CSMD1: variants seen among roughly 807,000 people sequenced by gnomAD.
CSMD1 encodes CUB and Sushi multiple domains 1, also known as CUB and sushi domain-containing protein 1.
CSMD1 carries 213 observed loss-of-function variants against 417.5 expected under a neutral mutation model. The ratio of observed to expected loss-of-function variants is 0.51; its 90% CI spans 0.46 to 0.57. The LOEUF (loss-of-function observed/expected upper bound fraction) is 0.57, where lower values mean the gene tolerates loss of function less well. Ranked by LOEUF, CSMD1 falls within the 20% of genes least tolerant of loss-of-function variation. The pLI is 0.00. For synonymous variants in CSMD1, 2,862 were observed against 1,736.8 expected, an observed-to-expected ratio of 1.65 and a Z score of -16.11; for missense variants, 6,923 against 4,529.7, an observed-to-expected ratio of 1.53 and a Z score of -15.17.
intron 5 of CSMD1, among the ~76,000 whole-genome samples, chr8:3,847,966 TATTA>T (rs1316597993): frequency 3.9e-5 from 6 of 152,298 alleles, no homozygotes; most frequent in African/African-American, 1.4e-4. Flanking sequence ...GATTTTTATT[TATTA>T]TTTATTTATT....
rs146249988 is a variant in CSMD1, at chr8:4,150,953, T to G, written c.416-118854A>C. The stretch of plus-strand genomic sequence containing the variant: ...AATTACAGTCTGCAACGTCCAAACT[T>G]TCAGTAAAAGTCTTCCAGATACAGG... On this transcript the variant is annotated intron_variant, in intron 3 of 69. Transcript: ENST00000635120. Among the ~76,000 whole-genome samples, 425 of 152,244 alleles carry G rather than the reference T, an allele frequency of 2.8e-3. 4 individuals carry two copies. Among genetic ancestry groups the G allele is most frequent in the East Asian group, 0.023 (121 of 5,182 alleles).
At chr8:3,909,708 G>A (rs1012917615) in intron 5 of CSMD1, among the ~76,000 whole-genome samples, 9 of 152,060 alleles carry the variant, frequency 5.9e-5, no homozygotes, top group African/African-American at 1.2e-4. Context: ...AAATTCTTGC[G>A]GCTTGTGTAG....
chr8:3,903,320 C>G (rs1327428155), intron 5 of CSMD1, among the ~76,000 whole-genome samples: 1 of 55,266 alleles, frequency 1.8e-5, no homozygotes, highest in Non-Finnish European at 3.3e-5. Flanking sequence ...ATGAATTAAT[C>G]TGTCCAGCTA....
At chr8:3,463,476 C>T (rs935316098) in intron 12 of CSMD1, among the ~76,000 whole-genome samples, 9 of 152,198 alleles carry the variant, frequency 5.9e-5, no homozygotes, top group Admixed American at 5.9e-4. Flanking sequence ...TTTGAAGCCA[C>T]GTCCTGCAGC....
chr8:4,439,271 A>G (rs1376855570), intron 2 of CSMD1, among the ~76,000 whole-genome samples: 2 of 152,170 alleles, frequency 1.3e-5, no homozygotes, highest in Non-Finnish European at 2.9e-5. Flanking sequence ...AACAACTACT[A>G]AATTGAAAAT....
At chr8:4,066,628 A>C (rs897736383) in intron 3 of CSMD1, among the ~76,000 whole-genome samples, 1 of 152,236 alleles carries the variant, frequency 6.6e-6, no homozygotes, top group Non-Finnish European at 1.5e-5. Context: ...ATTACTAACC[A>C]CTAACAGCTC....
At chr8:3,845,650 A>G (rs1803456352) in intron 5 of CSMD1, among the ~76,000 whole-genome samples, 1 of 151,980 alleles carries the variant, frequency 6.6e-6, no homozygotes, top group Admixed American at 6.6e-5. Context: ...TCATTTAAAC[A>G]TTTTTTTGTC....
intron 49 of CSMD1, among the ~76,000 whole-genome samples, chr8:3,071,032 T>C (rs1813290513): frequency 6.6e-6 from 1 of 152,172 alleles, no homozygotes. Flanking sequence ...GGAATAACCA[T>C]GTCACACTGT....
Position 3,369,358 on chromosome 8 carries a change from C to T in CSMD1, c.2795G>A (p.Gly932Asp). The change falls in exon 19 of 70, where the codon GGC (glycine) becomes GAC (aspartate). Residue 932 changes from glycine (G) to aspartate (D), a missense_variant. Gly to Asp is a moderately conservative substitution (Grantham distance 94, BLOSUM62 -1). Transcript: ENST00000635120. ...TGTTCCACTCTTCCCTTGGATGTAG[C>T]CTCCACATAGAGCTTAAAATAATAA... ...ALPSCDALCG[G>D]YIQGKSGTVL... is the part of the protein sequence containing the mutation. 6.4e-7 allele frequency: 1 copy of T among 1,552,538 alleles called. No individual in the cohort carries two copies. Among genetic ancestry groups the T allele is most frequent in the South Asian group, 1.1e-5 (1 of 89,060 alleles).
chr8:3,851,849 G>A (rs1374764131), intron 5 of CSMD1, among the ~76,000 whole-genome samples: 1 of 152,124 alleles, frequency 6.6e-6, no homozygotes, highest in African/African-American at 2.4e-5. Flanking sequence ...GGGTCGGGTG[G>A]GAGCAGACAT....
chr8:4,455,068 C>T (rs1484916281), intron 2 of CSMD1, among the ~76,000 whole-genome samples: 1 of 152,090 alleles, frequency 6.6e-6, no homozygotes, highest in East Asian at 1.9e-4. Context: ...GGCTGGGAAA[C>T]TTCGTGCTAT....
intron 3 of CSMD1, among the ~76,000 whole-genome samples, chr8:4,199,739 C>G (rs992811408): frequency 3.9e-5 from 6 of 152,180 alleles, no homozygotes; most frequent in African/African-American, 7.2e-5. Flanking sequence ...TGCTTTGATC[C>G]TCTTAAAATA....
chr8:3,218,943 G>C (rs961352092), intron 29 of CSMD1, among the ~76,000 whole-genome samples: 9 of 151,970 alleles, frequency 5.9e-5, no homozygotes, highest in African/African-American at 1.9e-4. Context: ...AAATTATAAG[G>C]TGTTAAAACC....
chr8:4,458,300 T>C (rs1476186765), intron 2 of CSMD1, among the ~76,000 whole-genome samples: 3 of 148,314 alleles, frequency 2.0e-5, no homozygotes, highest in African/African-American at 7.8e-5. Context: ...TTTCTCCCTC[T>C]TTTTTTTTGT....
intron 1 of CSMD1, among the ~76,000 whole-genome samples, chr8:4,817,776 T>G (rs1223977219): frequency 6.6e-6 from 1 of 152,206 alleles, no homozygotes; most frequent in African/African-American, 2.4e-5. Context: ...ACTCTCAATG[T>G]GATTAGAAAT....
intron 1 of CSMD1, among the ~76,000 whole-genome samples, chr8:4,936,013 C>G (rs1807596705): frequency 6.6e-6 from 1 of 152,146 alleles, no homozygotes; most frequent in Non-Finnish European, 1.5e-5. Flanking sequence ...ATAATAGGAA[C>G]CCAAAGTGCA....
chr8:3,330,213 A>G lies in CSMD1; in HGVS notation c.3631+13081T>C, dbSNP rs534855304. The stretch of plus-strand genomic sequence containing the variant: ...CATTCTTCATTTCATTTTCTTAGAA[A>G]CAATGAAGGAACATATGGTTAAAAA... On this transcript the variant is annotated intron_variant, in intron 23 of 69. Coordinates refer to ENST00000635120, the MANE Select transcript of CSMD1 (RefSeq NM_033225.6). Among the ~76,000 whole-genome samples the G allele has an allele frequency of 2.0e-5, 3 of 152,328 alleles. No homozygotes were observed. The East Asian group carries it at 5.8e-4, about 29-fold the overall frequency.
intron 5 of CSMD1, among the ~76,000 whole-genome samples, chr8:3,880,203 A>G (rs1292216113): frequency 6.6e-6 from 1 of 152,178 alleles, no homozygotes; most frequent in Admixed American, 6.5e-5. Context: ...GCAGTTAGGG[A>G]AAATAATGCA....
chr8:3,506,226 G>A (rs1021352005), intron 10 of CSMD1, among the ~76,000 whole-genome samples: 2 of 152,260 alleles, frequency 1.3e-5, no homozygotes, highest in Admixed American at 1.3e-4. Context: ...CGGCCCTGGG[G>A]GAGAGGGTGC....
Sources: allele counts gnomAD v4.1 joint callset (sites outside exome capture counted in the v4.1 genomes callset), GRCh38; gene constraint gnomAD v4.1.1; transcripts MANE v1.5; gene names NCBI Gene and HGNC (gene_info 2026-07-23, HGNC 2026-07-21).